Variants in STK40 observed in about 807,000 individuals in gnomAD.
STK40 encodes serine/threonine-protein kinase 40.
A neutral mutation model predicts 47.9 loss-of-function variants in STK40; 13 were observed. That is an observed-to-expected ratio of 0.27 (90% CI 0.18 to 0.43). STK40 has a LOEUF of 0.43. Ranked by LOEUF, STK40 falls within the 20% of genes least tolerant of loss-of-function variation. The pLI is 1.00. For synonymous variants in STK40, 225 were observed against 243.2 expected (o/e 0.93, Z 0.69); for missense variants, 460 against 595.1 (o/e 0.77, Z 2.36).
intron 1 of STK40, among the ~76,000 whole-genome samples, chr1:36,374,329 G>C (rs1489111976): frequency 1.3e-5 from 2 of 152,260 alleles, no homozygotes; most frequent in Non-Finnish European, 2.9e-5. Context: ...GCATCCCAGA[G>C]AAATTCTGGA....
chr1:36,370,547 T>C (rs894209019), intron 1 of STK40, among the ~76,000 whole-genome samples: 1 of 152,202 alleles, frequency 6.6e-6, no homozygotes, highest in African/African-American at 2.4e-5. Context: ...GAATGCGCGA[T>C]GCAACTGAGG....
chr1:36,343,355 C>A lies in STK40; in HGVS notation c.1089+9G>T, dbSNP rs757954725. 1.2e-6 allele frequency: 2 copies of A among 1,610,746 alleles called. No individual in the cohort carries two copies. ...CTGGGTAATGGCCCATCTGCCCTCC[C>A]CAACTCACCTCCTGGGAGCTATCCG... On this transcript the variant is annotated intron_variant, in intron 10 of 10. Transcript: ENST00000373132.
At chr1:36,343,265 T>C (rs1324759853) in intron 10 of STK40, 99 bp downstream of exon 10, 7 of 1,302,772 alleles carry the variant, frequency 5.4e-6, no homozygotes, top group Non-Finnish European at 6.5e-6. Context: ...GGAAACTCTG[T>C]GGCCTGCGGG....
intron 4 of STK40, among the ~76,000 whole-genome samples, chr1:36,356,641 G>A (rs1251308486): frequency 6.6e-6 from 1 of 151,912 alleles, no homozygotes. Flanking sequence ...TAGCCAGTAT[G>A]GTCTCAATCT....
At position 36,358,420 on chromosome 1, in the gene STK40, A is replaced by C. The variant is rs1157264722; in HGVS notation, c.199-38T>G. ...ATAAAAATAAAACCAAAACCAGAAC[A>C]CCTCACTTTACACAGCAGAACAACC... On this transcript the variant is annotated intron_variant, in intron 3 of 10. Coordinates refer to ENST00000373132, the MANE Select transcript of STK40 (RefSeq NM_001282547.2). 5 of 1,569,456 alleles carry C rather than the reference A, an allele frequency of 3.2e-6. No homozygotes were observed. In the South Asian group the frequency reaches 5.7e-5, roughly 18 times the overall value.
chr1:36,350,466 T>C (rs971215779), intron 6 of STK40, among the ~76,000 whole-genome samples: 16 of 152,180 alleles, frequency 1.1e-4, no homozygotes, highest in Non-Finnish European at 2.4e-4. Context: ...TACGGTGGGT[T>C]TGGGAGCCAG....
At chr1:36,368,437 AGAG>A (rs1257219806) in intron 1 of STK40, among the ~76,000 whole-genome samples, 3 of 152,186 alleles carry the variant, frequency 2.0e-5, no homozygotes, top group Non-Finnish European at 2.9e-5. Flanking sequence ...TGTTTTGTAG[AGAG>A]GAGGTCTTGC....
At chr1:36,356,650 C>A (rs1242688536) in intron 4 of STK40, among the ~76,000 whole-genome samples, 1 of 152,024 alleles carries the variant, frequency 6.6e-6, no homozygotes, top group East Asian at 1.9e-4. Context: ...TGGTCTCAAT[C>A]TCCTGACCTC....
chr1:36,381,447 A>AC (rs1229831036), intron 1 of STK40, among the ~76,000 whole-genome samples: 2 of 151,682 alleles, frequency 1.3e-5, no homozygotes, highest in Non-Finnish European at 2.9e-5. Context: ...GGCTTCATAG[A>AC]CCCCCAGAAA....
rs767229808 is a variant in STK40 at position 36,343,970 on chromosome 1, C to T, written c.894G>A (p.Arg298=). The change falls in exon 9 of 11, where the codon CGG becomes CGA. Residue 298 remains arginine (R), a synonymous_variant. Coordinates refer to ENST00000373132, the MANE Select transcript of STK40 (RefSeq NM_001282547.2). The part of the protein sequence containing the change: ...AAEYTIPEDG[R]VSENTVCLIR... ...TGAGACACACGGTGTTCTCAGAAAC[C>T]CGTCCATCCCTGAGGCAGGGAGTTG... 3.7e-6 allele frequency: 6 copies of T among 1,602,614 alleles called. No individual in the cohort carries two copies. In the Admixed American group the frequency reaches 8.5e-5, roughly 23 times the overall value.
intron 4 of STK40, among the ~76,000 whole-genome samples, chr1:36,355,980 G>A (rs553380721): frequency 4.5e-4 from 69 of 152,142 alleles, no homozygotes; most frequent in African/African-American, 1.5e-3. Flanking sequence ...CAGTACTCCC[G>A]ACAGTCACAT....
intron 1 of STK40, among the ~76,000 whole-genome samples, chr1:36,377,714 C>T (rs1647003881): frequency 6.6e-6 from 1 of 152,124 alleles, no homozygotes; most frequent in African/African-American, 2.4e-5. Flanking sequence ...ACAAAGACAA[C>T]ACCCCTGCAG....
intron 1 of STK40, among the ~76,000 whole-genome samples, chr1:36,378,252 C>T (rs1039832983): frequency 2.6e-5 from 4 of 152,136 alleles, no homozygotes; most frequent in Non-Finnish European, 5.9e-5. Context: ...CAGAGCCTAG[C>T]CAGGATGGAG....
At chr1:36,364,259 T>A (rs897779322) in intron 1 of STK40, among the ~76,000 whole-genome samples, 32 of 152,078 alleles carry the variant, frequency 2.1e-4, no homozygotes, top group Admixed American at 2.6e-4. Context: ...GGGGCACATT[T>A]AAAAAAAATC....
intron 1 of STK40, among the ~76,000 whole-genome samples, chr1:36,376,570 C>T (rs1470042240): frequency 6.6e-6 from 1 of 152,154 alleles, no homozygotes; most frequent in East Asian, 1.9e-4. Context: ...ACACACATGC[C>T]CCCAAGGCAG....
chr1:36,342,037 A>G, intron 10 of STK40, 64 bp from the exon 11 acceptor site: 1 of 1,467,852 alleles, frequency 6.8e-7, no homozygotes, highest in African/African-American at 1.4e-5. Flanking sequence ...CGCAGCAGAC[A>G]GGAGGGCAGG....
Position 36,361,157 on chromosome 1 carries a change from C to T in STK40, c.112+64G>A, listed in dbSNP as rs1039432513. 46 of 1,583,358 alleles carry T rather than the reference C, an allele frequency of 2.9e-5. No individual in the cohort carries two copies. The South Asian group carries it at 2.9e-4, about 10-fold the overall frequency. On this transcript the variant is annotated intron_variant, in intron 2 of 10. Coordinates refer to ENST00000373132, the MANE Select transcript of STK40 (RefSeq NM_001282547.2). ...TCTGATGTCTGTAGGTCAGATCATG[C>T]GAGCCAATGTGCCCTGCCCCTGCCT...
At chr1:36,364,543 ATTCTTT>A (rs1324216849) in intron 1 of STK40, among the ~76,000 whole-genome samples, 3 of 151,830 alleles carry the variant, frequency 2.0e-5, no homozygotes, top group East Asian at 1.9e-4. Flanking sequence ...TTTCCTTTAT[ATTCTTT>A]TTCTATTTTT....
intron 6 of STK40, among the ~76,000 whole-genome samples, chr1:36,352,215 C>T (rs1570441416): frequency 6.6e-6 from 1 of 152,330 alleles, no homozygotes; most frequent in Non-Finnish European, 1.5e-5. Flanking sequence ...TGCAGCAGGC[C>T]TCATCTCCAG....
Sources: gnomAD v4.1 joint callset for allele counts (sites outside exome capture counted in the v4.1 genomes callset) on GRCh38, gnomAD v4.1.1 for gene constraint, MANE v1.5 for transcripts, NCBI Gene and HGNC (gene_info 2026-07-23, HGNC 2026-07-21) for gene names.